ACADM: variants seen among roughly 807,000 people sequenced by gnomAD.
ACADM encodes acyl-CoA dehydrogenase medium chain.
Under a neutral mutation model 58.9 loss-of-function variants are expected in ACADM, and 49 were observed. That is an observed-to-expected ratio of 0.83 (90% CI 0.66 to 1.06). The LOEUF is 1.06. Ranked by LOEUF, ACADM falls within the 50% of genes least tolerant of loss-of-function variation. The probability of loss-of-function intolerance (pLI) is 0.00; values close to 1 mark genes in which losing one functional copy is unlikely to be tolerated. For missense variants in ACADM, 496 were observed against 507.0 expected (o/e 0.98, Z 0.21); for synonymous variants, 160 against 157.7 (o/e 1.01, Z -0.11).
chr1:75,733,714 A>G lies in ACADM; in HGVS notation c.387+86A>G, dbSNP rs1172313970. On this transcript the variant is annotated intron_variant, in intron 5 of 11. Coordinates refer to ENST00000370841, the MANE Select transcript of ACADM (RefSeq NM_000016.6). The stretch of plus-strand genomic sequence containing the variant: ...GAAGAAGTTGGATTTTTAGAAGAAA[A>G]AAAAAGGAAAGTCAGTTACTACTAG... 136 of 1,152,174 alleles carry G rather than the reference A, an allele frequency of 1.2e-4. 1 individual carries two copies. Among genetic ancestry groups the G allele is most frequent in the South Asian group, 8.3e-4 (67 of 81,044 alleles). 71.4% of individuals were successfully genotyped at this position (1,152,174 alleles called of 1,614,324 possible). A position where few individuals can be genotyped will look rare whatever the true frequency, so the allele number is the denominator to read the frequency against.
chr1:75,761,233 T>C lies in ACADM; in HGVS notation c.1057T>C (p.Tyr353His), dbSNP rs875989856. ...TGATTCTGGTCGTCGAAATACCTATTATGCTTCTATTGCAAAGGCATTTGC... is the reference window on the plus strand; with the variant it reads ...TGATTCTGGTCGTCGAAATACCTATCATGCTTCTATTGCAAAGGCATTTGC... The part of the protein sequence containing the change: ...EVDSGRRNTY[Y>H]ASIAKAFAGD... Residue 353 changes from tyrosine to histidine, a missense_variant, in exon 11 of 12, where the codon TAT becomes CAT. By Grantham distance (83) the Tyr-to-His change is moderately conservative (BLOSUM62 2). Transcript: ENST00000370841. 1.2e-6 allele frequency: 2 copies of C among 1,614,178 alleles called. No individual in the cohort carries two copies. Among genetic ancestry groups the C allele is most frequent in the East Asian group, 2.2e-5 (1 of 44,872 alleles).
At chr1:75,730,932 CT>C (rs1346247040) in intron 2 of ACADM, among the ~76,000 whole-genome samples, 1 of 152,076 alleles carries the variant, frequency 6.6e-6, no homozygotes, top group Non-Finnish European at 1.5e-5. Flanking sequence ...AAGTATACTT[CT>C]GCTAATTCAT....
Position 75,763,656 on chromosome 1 carries a change from T to TA in ACADM, c.*894dup, listed in dbSNP as rs1648964493. Reference sequence around the variant, plus strand: ...TTTTAAAGACTTCAGAAAATATAAATATGAAATAATTTAAGAACCCAAATC... The same window carrying TA: ...TTTTAAAGACTTCAGAAAATATAAATAATGAAATAATTTAAGAACCCAAATC... On this transcript the variant is annotated 3_prime_UTR_variant, in exon 12 of 12. Transcript: ENST00000370841. 1.3e-5 allele frequency: 2 copies of TA among 152,244 alleles called. No individual in the cohort carries two copies. The highest frequency in any genetic ancestry group is 2.9e-5 in the Non-Finnish European group (2 of 68,046). The allele number at this position is 152,244 out of a possible 1,614,324, so 9.4% of individuals were successfully genotyped here. A position where few individuals can be genotyped will look rare whatever the true frequency, so the allele number is the denominator to read the frequency against.
intron 2 of ACADM, among the ~76,000 whole-genome samples, chr1:75,729,865 A>C (rs1055407144): frequency 7.0e-6 from 1 of 143,506 alleles, no homozygotes; most frequent in South Asian, 2.3e-4. Flanking sequence ...CACTGTGAGG[A>C]TAGCCATTTG....
At chr1:75,736,496 G>T (rs1322529579) in intron 6 of ACADM, among the ~76,000 whole-genome samples, 1 of 152,028 alleles carries the variant, frequency 6.6e-6, no homozygotes, top group Non-Finnish European at 1.5e-5. Flanking sequence ...TCTCACTATT[G>T]TCTATAAGAA....
chr1:75,724,773 G>C lies in ACADM; in HGVS notation c.-15G>C, dbSNP rs545522153. 375 of 1,525,750 alleles carry C rather than the reference G, an allele frequency of 2.5e-4. 4 individuals carry two copies. In the South Asian group the frequency reaches 4.5e-3, roughly 18 times the overall value. 94.5% of individuals were successfully genotyped at this position (1,525,750 alleles called of 1,614,324 possible). A position where few individuals can be genotyped will look rare whatever the true frequency, so the allele number is the denominator to read the frequency against. Reference sequence around the variant, plus strand: ...CCCGTGTATTATTGTCCGAGTGGCCGGAACGGGAGCCAACATGGCAGCGGG... The same window carrying C: ...CCCGTGTATTATTGTCCGAGTGGCCCGAACGGGAGCCAACATGGCAGCGGG... On this transcript the variant is annotated 5_prime_UTR_variant, in exon 1 of 12. Coordinates refer to ENST00000370841, the MANE Select transcript of ACADM (RefSeq NM_000016.6).
At chr1:75,732,461 T>C (rs1647163381) in intron 2 of ACADM, 183 bp from the exon 3 acceptor site, 1 of 613,420 alleles carries the variant, frequency 1.6e-6, no homozygotes, top group Non-Finnish European at 2.9e-6. Context: ...AGCATTTGTA[T>C]TGACATAGGT....
At chr1:75,735,446 G>C (rs1433479049) in intron 6 of ACADM, among the ~76,000 whole-genome samples, 1 of 152,086 alleles carries the variant, frequency 6.6e-6, no homozygotes, top group Admixed American at 6.6e-5. Context: ...TCAGGAGAGA[G>C]AGCTCTATTT....
chr1:75,733,862 C>T (rs1236433208), intron 5 of ACADM, among the ~76,000 whole-genome samples: 1 of 152,166 alleles, frequency 6.6e-6, no homozygotes, highest in Non-Finnish European at 1.5e-5. Context: ...GGAGTTCTGA[C>T]TGTCCTTTGG....
chr1:75,729,174 GTTA>G (rs894209914), intron 2 of ACADM, among the ~76,000 whole-genome samples: 1 of 148,100 alleles, frequency 6.8e-6, no homozygotes, highest in African/African-American at 2.5e-5. Context: ...GCTCTCCAGA[GTTA>G]TTTTTTTTAT....
At chr1:75,733,407 T>C in intron 4 of ACADM, 121 bp from the exon 5 acceptor site, 7 of 1,053,552 alleles carry the variant, frequency 6.6e-6, no homozygotes, top group Non-Finnish European at 1.0e-5. Context: ...GTAGATATTA[T>C]ATTGCAAATT....
At chr1:75,731,199 A>T (rs1647142872) in intron 2 of ACADM, among the ~76,000 whole-genome samples, 1 of 144,594 alleles carries the variant, frequency 6.9e-6, no homozygotes, top group South Asian at 2.3e-4. Flanking sequence ...GAATGGCGTG[A>T]ACCCGGGAGG....
At position 75,724,794 on chromosome 1, in the gene ACADM, G is replaced by A; in HGVS notation, c.7G>A (p.Ala3Thr). Reference protein sequence around the residue: MAAGFGRCCRVLR... With the variant: MATGFGRCCRVLR... ...GGCCGGAACGGGAGCCAACATGGCA[G>A]CGGGGTTCGGGCGATGCTGCAGGGT... The change falls in exon 1 of 12, where the codon GCG (alanine) becomes ACG (threonine). Residue 3 changes from alanine to threonine, a missense_variant. By Grantham distance (58) the Ala-to-Thr change is moderately conservative. Coordinates refer to ENST00000370841, the MANE Select transcript of ACADM (RefSeq NM_000016.6). The A allele has an allele frequency of 6.6e-7, 1 of 1,523,722 alleles. No individual in the cohort carries two copies. Among genetic ancestry groups the A allele is most frequent in the Non-Finnish European group, 8.8e-7 (1 of 1,133,876 alleles). 94.4% of individuals were successfully genotyped at this position (1,523,722 alleles called of 1,614,324 possible). A position where few individuals can be genotyped will look rare whatever the true frequency, so the allele number is the denominator to read the frequency against.
At chr1:75,742,582 G>T (rs1647639990) in intron 7 of ACADM, among the ~76,000 whole-genome samples, 1 of 152,108 alleles carries the variant, frequency 6.6e-6, no homozygotes, top group African/African-American at 2.4e-5. Flanking sequence ...TCGGGACTAC[G>T]CTTGGTTCCA....
At chr1:75,745,566 A>T in intron 7 of ACADM, 1 of 520,016 alleles carries the variant, frequency 1.9e-6, no homozygotes, top group Non-Finnish European at 3.5e-6. Flanking sequence ...AAACCACAGA[A>T]AGTGAAACCC....
chr1:75,750,246 T>G (rs1013543391), intron 9 of ACADM, among the ~76,000 whole-genome samples: 15 of 152,130 alleles, frequency 9.9e-5, no homozygotes, highest in African/African-American at 3.4e-4. Context: ...TTTTCTAGAG[T>G]ATGATACTAT....
chr1:75,740,136 TA>T, intron 7 of ACADM, 26 bp downstream of exon 7: 1 of 1,592,296 alleles, frequency 6.3e-7, no homozygotes, highest in Non-Finnish European at 8.6e-7. Flanking sequence ...CATCTTTGTA[TA>T]TTTTTTCTTA....
Position 75,745,843 on chromosome 1 carries a change from G to C in ACADM, c.637G>C (p.Ala213Pro). The C allele has an allele frequency of 1.2e-6, 2 of 1,613,922 alleles. No homozygotes were observed. ...GGCACGTTCTGATCCAGATCCTAAA[G>C]CTCCTGCTAATAAAGCCTTTACTGG... The part of the protein sequence containing the change: ...LLARSDPDPK[A>P]PANKAFTGFI... The change falls in exon 8 of 12, where the codon GCT becomes CCT. Residue 213 changes from alanine (A) to proline (P), a missense_variant. Ala to Pro is a conservative substitution (Grantham distance 27). Coordinates refer to ENST00000370841, the MANE Select transcript of ACADM (RefSeq NM_000016.6).
chr1:75,728,382 A>T lies in ACADM; in HGVS notation c.31-19A>T. 1.9e-6 allele frequency: 3 copies of T among 1,598,186 alleles called. No individual in the cohort carries two copies. Among genetic ancestry groups the T allele is most frequent in the Non-Finnish European group, 2.6e-6 (3 of 1,168,166 alleles). On this transcript the variant is annotated intron_variant, in intron 1 of 11. Coordinates refer to ENST00000370841, the MANE Select transcript of ACADM (RefSeq NM_000016.6). ...TGTTTAACTTATCAAATTTATTTTA[A>T]TAAAAGTGTTCTTTACAGGTCCTGA...
Sources: allele counts gnomAD v4.1 joint callset (sites outside exome capture counted in the v4.1 genomes callset), GRCh38; gene constraint gnomAD v4.1.1; transcripts MANE v1.5; gene names NCBI Gene and HGNC (gene_info 2026-07-23, HGNC 2026-07-21).